SPAG16: variants seen among roughly 807,000 people sequenced by gnomAD.
SPAG16 encodes sperm-associated antigen 16 protein.
A neutral mutation model predicts 80.4 loss-of-function variants in SPAG16; 86 were observed. The ratio of observed to expected loss-of-function variants is 1.07; its 90% CI spans 0.90 to 1.28. The LOEUF (loss-of-function observed/expected upper bound fraction) is 1.28. SPAG16 is among the 50% of genes most tolerant of loss of function. SPAG16 has a pLI of 0.00. For missense variants in SPAG16, 870 were observed against 765.3 expected, an observed-to-expected ratio of 1.14 and a Z score of -1.61; for synonymous variants, 294 against 265.9, an observed-to-expected ratio of 1.11 and a Z score of -1.03.
chr2:214,147,350 C>T (rs2055700556), intron 14 of SPAG16, among the ~76,000 whole-genome samples: 1 of 152,096 alleles, frequency 6.6e-6, no homozygotes, highest in Non-Finnish European at 1.5e-5. Context: ...TATACTTCCT[C>T]AAATTTTAAT....
chr2:213,957,703 T>C (rs541443018), intron 12 of SPAG16, among the ~76,000 whole-genome samples: 30 of 152,238 alleles, frequency 2.0e-4, no homozygotes, highest in Admixed American at 5.2e-4. Context: ...TTGTGTTTAG[T>C]TGACTTTTTT....
Position 213,719,375 on chromosome 2 carries a change from C to T in SPAG16, c.1071-143110C>T, listed in dbSNP as rs979412215. Among the ~76,000 whole-genome samples the T allele has an allele frequency of 1.6e-4, 24 of 152,174 alleles. No individual in the cohort carries two copies. The East Asian group carries it at 4.2e-3, about 27-fold the overall frequency. On this transcript the variant is annotated intron_variant, in intron 10 of 15. Transcript: ENST00000331683. ...GCTCAAGGTTTGTGAATGCACCAAT[C>T]GACACTCTGTATCTAGCTGCTCTGG... is the stretch of plus-strand genomic sequence containing the variant.
At chr2:213,377,903 ATT>A (rs200597218) in intron 9 of SPAG16, among the ~76,000 whole-genome samples, 556 of 20,694 alleles carry the variant, frequency 0.027, 5 homozygotes, top group African/African-American at 0.092. Flanking sequence ...ATATATATAT[ATT>A]TTTTTTTTTT....
chr2:214,352,196 A>G (rs1288871090), intron 15 of SPAG16, among the ~76,000 whole-genome samples: 2 of 152,154 alleles, frequency 1.3e-5, no homozygotes, highest in African/African-American at 2.4e-5. Context: ...TATAATTTCA[A>G]CATATGAATC....
chr2:214,300,880 G>T (rs1173287764), intron 15 of SPAG16, among the ~76,000 whole-genome samples: 1 of 151,630 alleles, frequency 6.6e-6, no homozygotes, highest in Non-Finnish European at 1.5e-5. Flanking sequence ...AAAAATAGAG[G>T]ACTAAGGATT....
chr2:213,393,369 T>C (rs921592647), intron 9 of SPAG16, among the ~76,000 whole-genome samples: 1 of 151,314 alleles, frequency 6.6e-6, no homozygotes, highest in Non-Finnish European at 1.5e-5. Context: ...ATATCACATA[T>C]ATTTGAATAT....
intron 9 of SPAG16, among the ~76,000 whole-genome samples, chr2:213,471,501 C>T (rs1225456471): frequency 6.6e-6 from 1 of 152,182 alleles, no homozygotes; most frequent in African/African-American, 2.4e-5. Flanking sequence ...AACAGACCAA[C>T]ATCTGTCTCT....
chr2:214,004,118 A>C (rs2046919649), intron 12 of SPAG16, among the ~76,000 whole-genome samples: 1 of 152,202 alleles, frequency 6.6e-6, no homozygotes, highest in South Asian at 2.1e-4. Flanking sequence ...ATGAGCAAAA[A>C]GGGCTGTGAG....
intron 15 of SPAG16, among the ~76,000 whole-genome samples, chr2:214,387,535 C>T (rs1248925458): frequency 1.3e-5 from 2 of 152,038 alleles, no homozygotes; most frequent in African/African-American, 2.4e-5. Flanking sequence ...TTGGTGCTTT[C>T]AAAAAATAAA....
At chr2:213,422,760 T>C (rs1295194497) in intron 9 of SPAG16, among the ~76,000 whole-genome samples, 1 of 152,248 alleles carries the variant, frequency 6.6e-6, no homozygotes, top group African/African-American at 2.4e-5. Flanking sequence ...TTTGCTGACA[T>C]GGAATTAATG....
intron 10 of SPAG16, among the ~76,000 whole-genome samples, chr2:213,533,257 A>G (rs1049244765): frequency 2.0e-5 from 3 of 152,128 alleles, no homozygotes; most frequent in African/African-American, 2.4e-5. Flanking sequence ...TTTTTTGTAT[A>G]TATGTATATA....
intron 10 of SPAG16, among the ~76,000 whole-genome samples, chr2:213,566,033 G>A (rs748588150): frequency 4.6e-5 from 7 of 152,160 alleles, no homozygotes; most frequent in Non-Finnish European, 7.4e-5. Flanking sequence ...TTAAACTAGA[G>A]GTCATGGTGA....
intron 11 of SPAG16, among the ~76,000 whole-genome samples, chr2:213,874,349 CACAA>C (rs1325458237): frequency 2.0e-5 from 3 of 152,076 alleles, no homozygotes; most frequent in Admixed American, 6.6e-5. Flanking sequence ...CAGTTTGAAA[CACAA>C]ACTGTACAGC....
chr2:213,466,996 G>C (rs112285665), intron 9 of SPAG16, among the ~76,000 whole-genome samples: 3,094 of 152,278 alleles, frequency 0.02, 42 homozygotes, highest in Middle Eastern at 0.051. Context: ...AGTTCCCTCA[G>C]GTATTTGAGT....
At chr2:213,832,878 A>G (rs571873504) in intron 10 of SPAG16, among the ~76,000 whole-genome samples, 2 of 152,254 alleles carry the variant, frequency 1.3e-5, no homozygotes, top group African/African-American at 4.8e-5. Flanking sequence ...CTTTTAAGAG[A>G]GTCAGCATGA....
At chr2:214,269,265 A>G (rs1202456224) in intron 15 of SPAG16, among the ~76,000 whole-genome samples, 1 of 152,024 alleles carries the variant, frequency 6.6e-6, no homozygotes, top group South Asian at 2.1e-4. Flanking sequence ...AAATCTTATG[A>G]TAAAATCAAT....
rs974538569 is a variant in SPAG16, at chr2:213,712,668, T to G, written c.1071-149817T>G. Among the ~76,000 whole-genome samples, 6 of 152,264 alleles carry G rather than the reference T, an allele frequency of 3.9e-5. No homozygotes were observed. In the East Asian group the frequency reaches 5.8e-4, roughly 15 times the overall value. ...TTTCTCTCTAGGGAAGAAGAAAGCT[T>G]CTTCTTTCCTTCCATATCAAGTGAA... On this transcript the variant is annotated intron_variant, in intron 10 of 15. Coordinates refer to ENST00000331683, the MANE Select transcript of SPAG16 (RefSeq NM_024532.5).
chr2:213,342,655 G>T (rs187014950), intron 6 of SPAG16, among the ~76,000 whole-genome samples: 2 of 151,850 alleles, frequency 1.3e-5, no homozygotes, highest in African/African-American at 4.8e-5. Context: ...TTATTCTTTT[G>T]GAGGACTTTT....
At chr2:214,280,089 A>G (rs573794933) in intron 15 of SPAG16, among the ~76,000 whole-genome samples, 7 of 152,332 alleles carry the variant, frequency 4.6e-5, no homozygotes, top group South Asian at 4.1e-4. Context: ...AATTAACTCA[A>G]CATAGCAGAA....
Sources: gnomAD v4.1 joint callset for allele counts (sites outside exome capture counted in the v4.1 genomes callset) on GRCh38, gnomAD v4.1.1 for gene constraint, MANE v1.5 for transcripts, NCBI Gene and HGNC (gene_info 2026-07-23, HGNC 2026-07-21) for gene names.